XKR9: variants seen among roughly 807,000 people sequenced by gnomAD.
The protein encoded by XKR9 is XK-related protein 9.
XKR9 carries 32 observed loss-of-function variants against 32.0 expected under a neutral mutation model. That is an observed-to-expected ratio of 1.00 (90% CI 0.76 to 1.34). The LOEUF (loss-of-function observed/expected upper bound fraction) is 1.34, where lower values mean the gene tolerates loss of function less well. Ranked by LOEUF, XKR9 falls within the 40% of genes most tolerant of loss-of-function variation. The pLI is 0.00. For missense variants in XKR9, 546 were observed against 429.7 expected (o/e 1.27, Z -2.39); for synonymous variants, 168 against 143.4 (o/e 1.17, Z -1.22).
intron 2 of XKR9, among the ~76,000 whole-genome samples, chr8:70,753,992 A>G (rs1807180960): frequency 1.4e-5 from 2 of 145,996 alleles, no homozygotes; most frequent in African/African-American, 4.9e-5. Flanking sequence ...TTTGCAGATG[A>G]CATGATTGTA....
At chr8:70,919,254 C>A in the XKR9 span, among the ~76,000 whole-genome samples, 1 of 152,256 alleles carries the variant, frequency 6.6e-6, no homozygotes, top group African/African-American at 2.4e-5. Context: ...TCATAGAATA[C>A]TTTTTTCAGG....
intron 3 of XKR9, among the ~76,000 whole-genome samples, chr8:70,699,480 T>A (rs1805429985): frequency 6.6e-6 from 1 of 152,126 alleles, no homozygotes; most frequent in South Asian, 2.1e-4. Context: ...GGGTTGAAAA[T>A]TCTTTTCTTT....
At chr8:70,972,990 A>G in the XKR9 span, among the ~76,000 whole-genome samples, 1 of 152,164 alleles carries the variant, frequency 6.6e-6, no homozygotes, top group Non-Finnish European at 1.5e-5. Flanking sequence ...AAAATGATTT[A>G]GGGAGGAGTC....
At position 70,685,409 on chromosome 8, in the gene XKR9, T is replaced by A. The variant is rs925030875; in HGVS notation, c.272+4079T>A. The stretch of plus-strand genomic sequence containing the variant: ...TACCTAATGCTAAATGACGAGTTAA[T>A]GCATGCAGCACACCAGCATGGCACA... On this transcript the variant is annotated intron_variant, in intron 3 of 4. Transcript: ENST00000408926. Among the ~76,000 whole-genome samples the A allele has an allele frequency of 6.9e-5, 10 of 145,872 alleles. 1 individual carries two copies. The highest frequency in any genetic ancestry group is 9.1e-5 in the Non-Finnish European group (6 of 66,294).
chr8:70,745,719 G>A (rs1807049512), intron 2 of XKR9, among the ~76,000 whole-genome samples: 1 of 152,312 alleles, frequency 6.6e-6, no homozygotes. Flanking sequence ...GAACCACAGA[G>A]AAATTGGACG....
intron 2 of XKR9, among the ~76,000 whole-genome samples, chr8:70,781,808 C>A (rs568547107): frequency 6.6e-6 from 1 of 152,034 alleles, no homozygotes; most frequent in African/African-American, 2.4e-5. Context: ...AACAAGCTTT[C>A]TCAAAAAGTG....
At chr8:70,831,585 T>C in the XKR9 span, among the ~76,000 whole-genome samples, 1 of 152,170 alleles carries the variant, frequency 6.6e-6, no homozygotes. Context: ...CTTTGCATTT[T>C]TACTTCATGA....
At chr8:70,954,475 A>G in the XKR9 span, among the ~76,000 whole-genome samples, 1 of 152,238 alleles carries the variant, frequency 6.6e-6, no homozygotes, top group Non-Finnish European at 1.5e-5. Context: ...CAGCATTATC[A>G]TTGATTAATA....
the XKR9 span, among the ~76,000 whole-genome samples, chr8:70,999,720 C>T: frequency 6.6e-6 from 1 of 152,166 alleles, no homozygotes; most frequent in Non-Finnish European, 1.5e-5. Context: ...CAAATTCAGA[C>T]CATTGAAACT....
the XKR9 span, among the ~76,000 whole-genome samples, chr8:70,848,764 CAAAA>C: frequency 6.3e-3 from 730 of 116,742 alleles, 5 homozygotes; most frequent in African/African-American, 0.014. Context: ...AATGGAATGC[CAAAA>C]AAAAAAAAAA....
chr8:71,059,150 C>A, the XKR9 span, among the ~76,000 whole-genome samples: 2 of 152,222 alleles, frequency 1.3e-5, no homozygotes, highest in Non-Finnish European at 2.9e-5. Flanking sequence ...TAATACTTTT[C>A]TGTGCCTTAA....
rs568449101 is a variant in XKR9, at chr8:70,675,961, G to A, written c.-279+1062G>A. Among the ~76,000 whole-genome samples the A allele has an allele frequency of 6.0e-4, 91 of 152,160 alleles. 1 individual carries two copies. The highest frequency in any genetic ancestry group is 2.1e-3 in the African/African-American group (89 of 41,512). On this transcript the variant is annotated intron_variant, in intron 2 of 4. Transcript: ENST00000408926. ...TCTTTATAGCAAAACTTTACTACTG[G>A]TGCCAATTTTCTGTGTTAGGCCATT...
intron 2 of XKR9, among the ~76,000 whole-genome samples, chr8:70,750,460 A>G (rs924869174): frequency 2.0e-5 from 3 of 152,188 alleles, no homozygotes; most frequent in African/African-American, 4.8e-5. Context: ...CTTAATAAAT[A>G]TCTGTTAAAT....
chr8:70,708,119 A>G (rs1370371390), intron 4 of XKR9, among the ~76,000 whole-genome samples: 1 of 152,006 alleles, frequency 6.6e-6, no homozygotes, highest in Admixed American at 6.6e-5. Flanking sequence ...GATTGTTAGT[A>G]AGACACAAAA....
intron 2 of XKR9, among the ~76,000 whole-genome samples, chr8:70,768,127 T>C (rs1316453251): frequency 2.0e-5 from 3 of 152,186 alleles, no homozygotes; most frequent in African/African-American, 7.2e-5. Flanking sequence ...TGTTTCTTTG[T>C]TCTCATTGGT....
the XKR9 span, among the ~76,000 whole-genome samples, chr8:70,991,436 A>G: frequency 1.3e-5 from 2 of 152,252 alleles, no homozygotes; most frequent in Non-Finnish European, 2.9e-5. Context: ...GAAATGGGGA[A>G]TTATATGCTA....
intron 2 of XKR9, among the ~76,000 whole-genome samples, chr8:70,754,684 T>C (rs1182986593): frequency 6.6e-6 from 1 of 151,140 alleles, no homozygotes; most frequent in Admixed American, 6.6e-5. Context: ...ATTTAATAAA[T>C]GGTGCTGGGA....
the XKR9 span, among the ~76,000 whole-genome samples, chr8:70,822,794 C>T: frequency 6.6e-6 from 1 of 152,042 alleles, no homozygotes; most frequent in African/African-American, 2.4e-5. Context: ...AGCAGACTCT[C>T]CCCCTACTGA....
At chr8:70,902,457 C>G in the XKR9 span, among the ~76,000 whole-genome samples, 12,736 of 152,130 alleles carry the variant, frequency 0.084, 605 homozygotes, top group African/African-American at 0.097. Context: ...CTCTGTTTGT[C>G]TGTTCTTGGT....
Sources: allele counts gnomAD v4.1 joint callset (sites outside exome capture counted in the v4.1 genomes callset), GRCh38; gene constraint gnomAD v4.1.1; transcripts MANE v1.5; gene names NCBI Gene and HGNC (gene_info 2026-07-23, HGNC 2026-07-21).